The following MAPT variants were observed in gnomAD, a reference collection of about 807,000 sequenced individuals.
The protein encoded by MAPT is microtubule-associated protein tau.
MAPT carries 34 observed loss-of-function variants against 67.9 expected under a neutral mutation model. That is an observed-to-expected ratio of 0.50 (90% CI 0.38 to 0.67). The LOEUF is 0.67. MAPT is among the 30% of genes least tolerant of loss of function. MAPT has a pLI of 0.00. For synonymous variants in MAPT, 456 were observed against 464.5 expected, an observed-to-expected ratio of 0.98 and a Z score of 0.23; for missense variants, 881 against 1,115.2, an observed-to-expected ratio of 0.79 and a Z score of 2.99.
chr17:45,962,847 C>T (rs1010736716), intron 2 of MAPT, among the ~76,000 whole-genome samples: 4 of 151,986 alleles, frequency 2.6e-5, no homozygotes, highest in African/African-American at 9.7e-5. Flanking sequence ...ATCACTTGAG[C>T]CCAGGAGTTC....
intron 1 of MAPT, among the ~76,000 whole-genome samples, chr17:45,956,723 T>C (rs2069764239): frequency 6.6e-6 from 1 of 151,638 alleles, no homozygotes; most frequent in South Asian, 2.1e-4. Context: ...ATTAGGTATA[T>C]CTCCTAATGC....
At chr17:45,914,908 A>C (rs1023477216) in intron 1 of MAPT, among the ~76,000 whole-genome samples, 1 of 151,368 alleles carries the variant, frequency 6.6e-6, no homozygotes, top group Non-Finnish European at 1.5e-5. Context: ...ATCAAGATGG[A>C]GTTTTTCTAT....
intron 1 of MAPT, among the ~76,000 whole-genome samples, chr17:45,943,382 G>A (rs760497359): frequency 1.3e-5 from 2 of 152,006 alleles, no homozygotes; most frequent in Non-Finnish European, 2.9e-5. Flanking sequence ...TGTGTTCAGC[G>A]GACACTGTTT....
chr17:45,976,795 GGGCCT>G (rs2072406703), intron 3 of MAPT: 1 of 152,338 alleles, frequency 6.6e-6, no homozygotes, highest in African/African-American at 2.4e-5. Context: ...GACTCAAGCC[GGGCCT>G]GGCTATCGCA....
At position 45,901,931 on chromosome 17, in the gene MAPT, C is replaced by A. The variant is rs537712146; in HGVS notation, c.-18+7245C>A. ...GGATTTTACTTTTTTTTTTTTTTTTCATGGTCTTTACCATCCCATTTGATA... is the reference window on the plus strand; with the variant it reads ...GGATTTTACTTTTTTTTTTTTTTTTAATGGTCTTTACCATCCCATTTGATA... On this transcript the variant is annotated intron_variant, in intron 1 of 12. Coordinates refer to ENST00000262410, the MANE Select transcript of MAPT (RefSeq NM_001377265.1). Among the ~76,000 whole-genome samples, 885 of 124,934 alleles carry A rather than the reference C, an allele frequency of 7.1e-3. 6 individuals carry two copies. The highest frequency in any genetic ancestry group is 0.012 in the Non-Finnish European group (705 of 58,280). 82.0% of individuals were successfully genotyped at this position (124,934 alleles called of 152,430 possible).
At chr17:45,998,740 C>T (rs550796958) in intron 9 of MAPT, among the ~76,000 whole-genome samples, 2 of 152,244 alleles carry the variant, frequency 1.3e-5, no homozygotes, top group South Asian at 2.1e-4. Flanking sequence ...AACTGTCCTG[C>T]GCTTCCACTG....
In MAPT at chr17:46,010,470, T is replaced by A; in HGVS notation, c.2091+68T>A. Reference sequence around the variant, plus strand: ...ATTATTAGGAAGTGGTGTGAGTGCGTACACTTGCGAGACACTGCATAGAAT... The same window carrying A: ...ATTATTAGGAAGTGGTGTGAGTGCGAACACTTGCGAGACACTGCATAGAAT... On this transcript the variant is annotated intron_variant, in intron 10 of 12. Transcript: ENST00000262410. The surrounding 1 kb of genome is among the most constrained non-coding windows in gnomAD (Gnocchi z 4.7). 5 of 1,095,278 alleles carry A rather than the reference T, an allele frequency of 4.6e-6. No individual in the cohort carries two copies. Among genetic ancestry groups the A allele is most frequent in the Non-Finnish European group, 6.8e-6 (5 of 730,732 alleles). 67.8% of individuals were successfully genotyped at this position (1,095,278 alleles called of 1,614,324 possible). A position where few individuals can be genotyped will look rare whatever the true frequency, so the allele number is the denominator to read the frequency against.
intron 11 of MAPT, among the ~76,000 whole-genome samples, chr17:46,015,431 G>A (rs1384356134): frequency 1.3e-5 from 2 of 151,778 alleles, no homozygotes; most frequent in Admixed American, 6.6e-5. Context: ...AGGCCGAGGC[G>A]AGCGGATCAC....
rs1272146434 is a variant in MAPT at position 45,906,989 on chromosome 17, C to A, written c.-18+12303C>A. ...TAATGAGTTGTTCCCTGTTTCAATT[C>A]CAAAATTCATATCCAATCCGTTTTG... On this transcript the variant is annotated intron_variant, in intron 1 of 12. Coordinates refer to ENST00000262410, the MANE Select transcript of MAPT (RefSeq NM_001377265.1). The surrounding 1 kb of genome is among the most constrained non-coding windows in gnomAD (Gnocchi z 4.3). Among the ~76,000 whole-genome samples, 1 of 152,186 alleles carries A rather than the reference C, an allele frequency of 6.6e-6. No homozygotes were observed. Among genetic ancestry groups the A allele is most frequent in the Non-Finnish European group, 1.5e-5 (1 of 68,036 alleles).
chr17:46,001,525 C>T (rs866002356), intron 9 of MAPT, among the ~76,000 whole-genome samples: 7 of 152,160 alleles, frequency 4.6e-5, no homozygotes, highest in African/African-American at 1.2e-4. Context: ...TGGCTGGGCG[C>T]GGTGGCGCAT....
chr17:45,982,887 G>A lies in MAPT; in HGVS notation c.308G>A (p.Arg103Gln), dbSNP rs972679332. The stretch of plus-strand genomic sequence containing the variant: ...CCAGAGGAGTTGAGAGTTCCGGGCC[G>A]GCAGAGGAAGGCGCCTGAAAGGCCC... ...VTQEELRVPG[R>Q]QRKAPERPLA... The change falls in exon 5 of 13, where the codon CGG becomes CAG. Residue 103 changes from arginine (R) to glutamine (Q), a missense_variant. Physicochemically the swap from Arg to Gln is conservative, Grantham distance 43. Around this residue, in one of 6 missense-constraint regions of MAPT, gnomAD observed 687 missense variants for 766.1 expected, o/e 0.90. Transcript: ENST00000262410. 10 of 1,316,022 alleles carry A rather than the reference G, an allele frequency of 7.6e-6. No homozygotes were observed. The highest frequency in any genetic ancestry group is 2.9e-4 in the Middle Eastern group (1 of 3,460). 81.5% of individuals were successfully genotyped at this position (1,316,022 alleles called of 1,614,324 possible).
intron 1 of MAPT, among the ~76,000 whole-genome samples, chr17:45,940,011 G>A (rs1316344714): frequency 2.6e-5 from 4 of 152,018 alleles, no homozygotes; most frequent in Non-Finnish European, 2.9e-5. Flanking sequence ...CACTACTTTC[G>A]GAAGCACAAA....
rs956908114 is a variant in MAPT at position 46,006,779 on chromosome 17, CGGGCATGGTGGT to C, written c.1999-3526_1999-3515del. On this transcript the variant is annotated intron_variant, in intron 9 of 12. Coordinates refer to ENST00000262410, the MANE Select transcript of MAPT (RefSeq NM_001377265.1). ...AATACAAAAAAAAGAAAAAATTAGCCGGGCATGGTGGTGGGCGCCTGTAGTCCCAGCTACTCG... is the reference window on the plus strand; with the variant it reads ...AATACAAAAAAAAGAAAAAATTAGCCGGGCGCCTGTAGTCCCAGCTACTCG... Among the ~76,000 whole-genome samples, 32 of 151,760 alleles carry C rather than the reference CGGGCATGGTGGT, an allele frequency of 2.1e-4. 2 individuals carry two copies. Among genetic ancestry groups the C allele is most frequent in the Admixed American group, 2.0e-3 (30 of 15,226 alleles).
chr17:46,015,590 C>T (rs1434248212), intron 11 of MAPT, among the ~76,000 whole-genome samples: 5 of 152,008 alleles, frequency 3.3e-5, no homozygotes, highest in Non-Finnish European at 2.9e-5. Flanking sequence ...ACCTGGGAGG[C>T]GGAGCTTGCA....
In MAPT at chr17:45,983,772, G is replaced by A. The variant is rs765458283; in HGVS notation, c.1193G>A (p.Gly398Glu). 11 of 1,613,992 alleles carry A rather than the reference G, an allele frequency of 6.8e-6. No homozygotes were observed. Among genetic ancestry groups the A allele is most frequent in the Middle Eastern group, 1.6e-4 (1 of 6,080 alleles). The change falls in exon 5 of 13, where the codon GGA becomes GAA. Residue 398 changes from glycine (G) to glutamate (E), a missense_variant. Physicochemically the swap from Gly to Glu is moderately conservative, Grantham distance 98. Coordinates refer to ENST00000262410, the MANE Select transcript of MAPT (RefSeq NM_001377265.1). ...KEQAHSEEHL[G>E]RAAFPGAPGE... ...CAGGCGCACTCGGAGGAGCATTTGG[G>A]AAGGGCTGCATTTCCAGGGGCCCCT... is the stretch of plus-strand genomic sequence containing the variant.
At chr17:45,923,089 G>C (rs2144475145) in intron 1 of MAPT, among the ~76,000 whole-genome samples, 1 of 152,292 alleles carries the variant, frequency 6.6e-6, no homozygotes, top group East Asian at 1.9e-4. Flanking sequence ...GTAGGGGCTG[G>C]TAATATCTTC....
intron 1 of MAPT, among the ~76,000 whole-genome samples, chr17:45,904,817 T>G (rs1434414471): frequency 6.6e-6 from 1 of 152,150 alleles, no homozygotes; most frequent in African/African-American, 2.4e-5. Context: ...CTTTCTACTT[T>G]GACAATGTAT....
At position 46,026,941 on chromosome 17, in the gene MAPT, G is replaced by A. The variant is rs980543216; in HGVS notation, c.*2770G>A. 6.6e-6 allele frequency: 1 copy of A among 152,188 alleles called. No individual in the cohort carries two copies. The highest frequency in any genetic ancestry group is 6.5e-5 in the Admixed American group (1 of 15,284). The allele number at this position is 152,188 out of a possible 1,614,324, so 9.4% of individuals were successfully genotyped here. On this transcript the variant is annotated 3_prime_UTR_variant, in exon 13 of 13. Transcript: ENST00000262410. ...AGTAGAAATCCAGGGCCTCCCCTGG[G>A]GCTGGCAGCTTCGTGTGCAGCTAGA...
intron 1 of MAPT, among the ~76,000 whole-genome samples, chr17:45,955,850 C>T (rs2069591541): frequency 6.6e-6 from 1 of 152,184 alleles, no homozygotes; most frequent in Admixed American, 6.5e-5. Flanking sequence ...ATTCTCCAGC[C>T]TCAGCTTCCC....
Sources: allele counts gnomAD v4.1 joint callset (sites outside exome capture counted in the v4.1 genomes callset), GRCh38; gene constraint gnomAD v4.1.1; regional missense constraint gnomAD v4.1.1; non-coding constraint Gnocchi (gnomAD v3.1); transcripts MANE v1.5; gene names NCBI Gene and HGNC (gene_info 2026-07-23, HGNC 2026-07-21).